AMT: variants seen among roughly 807,000 people sequenced by gnomAD.
AMT encodes the protein aminomethyltransferase, mitochondrial.
In AMT, 24 loss-of-function variants were observed where a neutral mutation model predicts 39.5. The observed-to-expected ratio is 0.61, with a 90% CI of 0.44 to 0.86. The LOEUF (loss-of-function observed/expected upper bound fraction) is 0.86, where lower values mean the gene tolerates loss of function less well. Among genes scored for constraint, AMT ranks in the 40% least tolerant of loss-of-function variants. AMT has a pLI of 0.00. For missense variants in AMT, 501 were observed against 537.0 expected (o/e 0.93, Z 0.66); for synonymous variants, 210 against 212.1 (o/e 0.99, Z 0.09).
chr3:49,417,749 A>G, intron 8 of AMT, 31 bp from the exon 9 acceptor site: 1 of 1,613,938 alleles, frequency 6.2e-7, no homozygotes, highest in Non-Finnish European at 8.5e-7. Context: ...ACGCATCAGC[A>G]CCACCCTGCC....
intron 2 of AMT, 51 bp from the exon 3 acceptor site, chr3:49,421,623 A>G: frequency 6.6e-7 from 1 of 1,525,934 alleles, no homozygotes. Context: ...ACAATCCAAA[A>G]GGCTACTAAG....
Position 49,417,866 on chromosome 3 carries a change from G to A in AMT, c.985C>T (p.Pro329Ser). The change falls in exon 8 of 9, where the codon CCC (proline) becomes TCC (serine). Residue 329 changes from proline (P) to serine (S), a missense_variant. Transcript: ENST00000273588. ...RRVGLMCEGA[P>S]MRAHSPILNM... ...AGGATGGGACTGTGTGCCCGCATGGGGGCCCCCTCACACATCAACCCCACA... is the reference window on the plus strand; with the variant it reads ...AGGATGGGACTGTGTGCCCGCATGGAGGCCCCCTCACACATCAACCCCACA... The A allele has an allele frequency of 6.2e-7, 1 of 1,614,002 alleles. No individual in the cohort carries two copies.
chr3:49,417,675 ATTC>A lies in AMT; in HGVS notation c.1074_1076del (p.Lys358del), dbSNP rs768940499. The A allele has an allele frequency of 3.7e-6, 6 of 1,614,068 alleles. No individual in the cohort carries two copies. Among genetic ancestry groups the A allele is most frequent in the Admixed American group, 3.3e-5 (2 of 59,992 alleles). On this transcript the variant is annotated inframe_deletion, in exon 9 of 9. Transcript: ENST00000273588. ...CGCAGGGCACATAACCCATCGCCAC[ATTC>A]TTCTTCAGAGAGGGGGAGGGGCAGC...
Position 49,417,921 on chromosome 3 carries a change from G to A in AMT, c.930C>T (p.Pro310=). ...MDFPGAKVIV[P]QLKGRVQRRR... ...TCCGCTGCACCCTGCCCTTCAGCTG[G>A]GGAACAATGACCTTGGCTCCAGGGA... Residue 310 remains proline, a synonymous_variant, in exon 8 of 9, where the codon CCC becomes CCT. Coordinates refer to ENST00000273588, the MANE Select transcript of AMT (RefSeq NM_000481.4). 1 of 1,613,990 alleles carries A rather than the reference G, an allele frequency of 6.2e-7. No individual in the cohort carries two copies.
Position 49,417,305 on chromosome 3 carries a change from A to G in AMT, c.*235T>C. 4 of 1,597,738 alleles carry G rather than the reference A, an allele frequency of 2.5e-6. No individual in the cohort carries two copies. Among genetic ancestry groups the G allele is most frequent in the Non-Finnish European group, 3.4e-6 (4 of 1,178,344 alleles). The stretch of plus-strand genomic sequence containing the variant: ...CAGGCAAGAGTAGGTCAGTGGGATC[A>G]TGGACTGAAACAAGACATTGTGTGA... On this transcript the variant is annotated 3_prime_UTR_variant, in exon 9 of 9. Coordinates refer to ENST00000273588, the MANE Select transcript of AMT (RefSeq NM_000481.4).
Position 49,422,214 on chromosome 3 carries a change from C to G in AMT, c.148G>C (p.Val50Leu), listed in dbSNP as rs148917929. ...DFHLAHGGKM[V>L]AFAGWSLPVQ... ...GGCAGACTCCAACCCGCAAACGCCACCATTTTCCCGCCGTGGGCCAGGTGG... is the reference window on the plus strand; with the variant it reads ...GGCAGACTCCAACCCGCAAACGCCAGCATTTTCCCGCCGTGGGCCAGGTGG... The change falls in exon 2 of 9, where the codon GTG becomes CTG. Residue 50 changes from valine to leucine, a missense_variant. Transcript: ENST00000273588. The G allele has an allele frequency of 6.6e-5, 107 of 1,613,954 alleles. No homozygotes were observed. Among genetic ancestry groups the G allele is most frequent in the Non-Finnish European group, 8.7e-5 (103 of 1,180,020 alleles).
rs1460355670 is a variant in AMT at position 49,417,658 on chromosome 3, A to G, written c.1094T>C (p.Val365Ala). 4 of 1,614,162 alleles carry G rather than the reference A, an allele frequency of 2.5e-6. No individual in the cohort carries two copies. The highest frequency in any genetic ancestry group is 3.4e-6 in the Non-Finnish European group (4 of 1,180,024). The stretch of plus-strand genomic sequence containing the variant: ...CCCTGGACGACTGTACTCGCAGGGC[A>G]CATAACCCATCGCCACATTCTTCTT... Reference protein sequence around the residue: ...SLKKNVAMGYVPCEYSRPGTM... With the variant: ...SLKKNVAMGYAPCEYSRPGTM... The change falls in exon 9 of 9, where the codon GTG becomes GCG. Residue 365 changes from valine (V) to alanine (A), a missense_variant. Physicochemically the swap from Val to Ala is moderately conservative, Grantham distance 64. Transcript: ENST00000273588.
chr3:49,418,942 C>T, intron 7 of AMT, 29 bp downstream of exon 7: 1 of 1,612,704 alleles, frequency 6.2e-7, no homozygotes, highest in Non-Finnish European at 8.5e-7. Flanking sequence ...ACCTCCAGGA[C>T]CCTATCCTTT....
Position 49,417,292 on chromosome 3 carries a change from G to A in AMT, c.*248C>T. 1 of 1,598,486 alleles carries A rather than the reference G, an allele frequency of 6.3e-7. No individual in the cohort carries two copies. The highest frequency in any genetic ancestry group is 8.5e-7 in the Non-Finnish European group (1 of 1,178,946). On this transcript the variant is annotated 3_prime_UTR_variant, in exon 9 of 9. Coordinates refer to ENST00000273588, the MANE Select transcript of AMT (RefSeq NM_000481.4). The stretch of plus-strand genomic sequence containing the variant: ...CATTACCCTCCAGCAGGCAAGAGTA[G>A]GTCAGTGGGATCATGGACTGAAACA...
chr3:49,422,363 G>T lies in AMT; in HGVS notation c.88C>A (p.Gln30Lys). 1 of 1,610,746 alleles carries T rather than the reference G, an allele frequency of 6.2e-7. No homozygotes were observed. The highest frequency in any genetic ancestry group is 1.1e-5 in the South Asian group (1 of 91,006). Reference sequence around the variant, plus strand: ...AAGATCAGCACCCTCTATCCCACCTGTGCGCAACTAAGTGGACGACACAAG... The same window carrying T: ...AAGATCAGCACCCTCTATCCCACCTTTGCGCAACTAAGTGGACGACACAAG... ...PALCRPLSCA[Q>K]EVLRRTPLYD... The change falls in exon 1 of 9, where the codon CAG becomes AAG. Residue 30 changes from glutamine (Q) to lysine (K), a missense_variant and splice_region_variant. Gln to Lys is a moderately conservative substitution (Grantham distance 53). Transcript: ENST00000273588.
intron 2 of AMT, 26 bp from the exon 3 acceptor site, chr3:49,421,598 G>A (rs1479936955): frequency 3.1e-6 from 5 of 1,601,090 alleles, no homozygotes; most frequent in Non-Finnish European, 3.4e-6. Flanking sequence ...AAAGCCTCAG[G>A]CCATTGCAAC....
At chr3:49,419,502 G>A in intron 5 of AMT, 97 bp from the exon 6 acceptor site, 1 of 1,557,394 alleles carries the variant, frequency 6.4e-7, no homozygotes, top group Admixed American at 1.9e-5. Flanking sequence ...CCCTGAGCAT[G>A]TCTTACTCTG....
chr3:49,417,134 T>C lies in AMT; in HGVS notation c.*406A>G. 1 of 859,808 alleles carries C rather than the reference T, an allele frequency of 1.2e-6. No individual in the cohort carries two copies. The highest frequency in any genetic ancestry group is 1.9e-6 in the Non-Finnish European group (1 of 531,458). The allele number at this position is 859,808 out of a possible 1,614,324, so 53.3% of individuals were successfully genotyped here. On this transcript the variant is annotated 3_prime_UTR_variant, in exon 9 of 9. Transcript: ENST00000273588. ...GGGTAGCCTAAGTCCGCACTGCCCATGTTATTACCCTTTGCAATGTGAAAA... is the reference window on the plus strand; with the variant it reads ...GGGTAGCCTAAGTCCGCACTGCCCACGTTATTACCCTTTGCAATGTGAAAA...
Position 49,422,393 on chromosome 3 carries a change from G to T in AMT, c.58C>A (p.Pro20Thr). The change falls in exon 1 of 9, where the codon CCG becomes ACG. Residue 20 changes from proline (P) to threonine (T), a missense_variant. Coordinates refer to ENST00000273588, the MANE Select transcript of AMT (RefSeq NM_000481.4). ...CAACTAAGTGGACGACACAAGGCCG[G>T]GGGGAATGCCTGCAGGCGAAAGCCC... ...RLGFRLQAFP[P>T]ALCRPLSCAQ... 15 of 1,613,928 alleles carry T rather than the reference G, an allele frequency of 9.3e-6. No individual in the cohort carries two copies. The highest frequency in any genetic ancestry group is 1.3e-5 in the Non-Finnish European group (15 of 1,180,036).
intron 3 of AMT, chr3:49,420,659 A>C: frequency 2.6e-6 from 1 of 386,592 alleles, no homozygotes; most frequent in East Asian, 6.1e-5. Context: ...CACCTACCCA[A>C]ACCTGGGACG....
chr3:49,421,756 C>A, intron 2 of AMT, 184 bp from the exon 3 acceptor site: 1 of 694,386 alleles, frequency 1.4e-6, no homozygotes, highest in Non-Finnish European at 2.6e-6. Flanking sequence ...CCCAGTCACT[C>A]TGTGTGGGGG....
intron 2 of AMT, 173 bp from the exon 3 acceptor site, chr3:49,421,745 C>G (rs1346664935): frequency 7.1e-6 from 5 of 704,516 alleles, no homozygotes; most frequent in Admixed American, 2.0e-5. Context: ...TCCTGACCTC[C>G]CCCAGTCACT....
rs771840066 is a variant in AMT, at chr3:49,419,013, C to A, written c.835G>T (p.Glu279Ter). ...CTGCCCTCCACAGGTGTAGTGTGTT[C>A]ATCAATGTCATTCCCATACAGGCAG... ...GLCLYGNDID[E>*]HTTPVEGSLS... Residue 279 changes from glutamate (E) to a stop codon, truncating the protein, a stop_gained, in exon 7 of 9, where the codon GAA becomes TAA. Transcript: ENST00000273588. LOFTEE classifies it high-confidence loss of function. 1 of 1,614,086 alleles carries A rather than the reference C, an allele frequency of 6.2e-7. No homozygotes were observed. Among genetic ancestry groups the A allele is most frequent in the Non-Finnish European group, 8.5e-7 (1 of 1,180,030 alleles).
rs1278892990 is a variant in AMT, at chr3:49,419,796, A to G, written c.472-8T>C. The stretch of plus-strand genomic sequence containing the variant: ...AAGCTCCCTGACCTTGTCCTAAAAG[A>G]CAGAAACACAAGAGCATCTGGGGCC... On this transcript the variant is annotated splice_region_variant and splice_polypyrimidine_tract_variant and intron_variant, in intron 4 of 8. Transcript: ENST00000273588. The G allele has an allele frequency of 1.2e-6, 2 of 1,613,890 alleles. No homozygotes were observed. Among genetic ancestry groups the G allele is most frequent in the African/African-American group, 1.3e-5 (1 of 74,884 alleles).
Sources: gnomAD v4.1 joint callset for allele counts on GRCh38, gnomAD v4.1.1 for gene constraint, MANE v1.5 for transcripts, NCBI Gene and HGNC (gene_info 2026-07-23, HGNC 2026-07-21) for gene names.